Variants in RYR2 observed in about 807,000 individuals in gnomAD.
The protein encoded by RYR2 is cardiac muscle ryanodine receptor-calcium release channel.
Under a neutral mutation model 601.1 loss-of-function variants are expected in RYR2, and 227 were observed. The ratio of observed to expected loss-of-function variants is 0.38; its 90% CI spans 0.34 to 0.42. RYR2 has a LOEUF of 0.42. Ranked by LOEUF, RYR2 falls within the 10% of genes least tolerant of loss-of-function variation. The pLI is 1.00. For missense variants in RYR2, 4,646 were observed against 6,156.5 expected, an observed-to-expected ratio of 0.75 and a Z score of 8.21; for synonymous variants, 2,223 against 2,175.1, an observed-to-expected ratio of 1.02 and a Z score of -0.61.
At position 237,106,812 on chromosome 1, in the gene RYR2, G is replaced by A. The variant is rs985471228; in HGVS notation, c.48+64243G>A. On this transcript the variant is annotated intron_variant, in intron 1 of 104. Coordinates refer to ENST00000366574, the MANE Select transcript of RYR2 (RefSeq NM_001035.3). The surrounding 1 kb of genome is among the most constrained non-coding windows in gnomAD (Gnocchi z 4.4). Reference sequence around the variant, plus strand: ...CAGAGTGCCAGCAATTTGGTGTCTGGTGAAGGCTCGCTTCCTGGTTCATAG... The same window carrying A: ...CAGAGTGCCAGCAATTTGGTGTCTGATGAAGGCTCGCTTCCTGGTTCATAG... 5.3e-5 allele frequency among the ~76,000 whole-genome samples: 8 copies of A among 152,180 alleles called. No individual in the cohort carries two copies. In the East Asian group the frequency reaches 1.4e-3, roughly 26 times the overall value.
chr1:237,161,416 G>GA (rs1676001401), intron 1 of RYR2, among the ~76,000 whole-genome samples: 1 of 151,922 alleles, frequency 6.6e-6, no homozygotes, highest in African/African-American at 2.4e-5. Flanking sequence ...ATTACTAATG[G>GA]AAATACTTTA....
chr1:237,568,858 T>C (rs906819068), intron 28 of RYR2, among the ~76,000 whole-genome samples: 1 of 152,132 alleles, frequency 6.6e-6, no homozygotes, highest in Non-Finnish European at 1.5e-5. Context: ...CAGTAGAAAG[T>C]ATGTGAGGTT....
intron 8 of RYR2, among the ~76,000 whole-genome samples, chr1:237,380,894 A>G (rs1008959598): frequency 1.3e-5 from 2 of 152,092 alleles, no homozygotes; most frequent in African/African-American, 4.8e-5. Context: ...CCTGGCCAAC[A>G]TGGTGAAGCC....
chr1:237,700,923 C>T (rs578065980), intron 65 of RYR2, among the ~76,000 whole-genome samples: 49 of 152,328 alleles, frequency 3.2e-4, no homozygotes, highest in Non-Finnish European at 3.2e-4. Context: ...TTTAGAGTGG[C>T]TCAAATATCC....
At chr1:237,270,197 T>C in intron 1 of RYR2, 1 of 474,866 alleles carries the variant, frequency 2.1e-6, no homozygotes, top group Non-Finnish European at 4.0e-6. Context: ...AAATCCTGTA[T>C]TTTACTTTTA....
intron 1 of RYR2, among the ~76,000 whole-genome samples, chr1:237,058,613 C>A (rs1662458862): frequency 6.6e-6 from 1 of 152,174 alleles, no homozygotes; most frequent in Admixed American, 6.5e-5. Flanking sequence ...ATAACACTTT[C>A]TCAAAAGGAA....
intron 2 of RYR2, among the ~76,000 whole-genome samples, chr1:237,330,632 C>T (rs1317359883): frequency 2.6e-5 from 4 of 152,210 alleles, no homozygotes; most frequent in Non-Finnish European, 5.9e-5. Flanking sequence ...AGGTGATCCG[C>T]CCACCTCGGC....
chr1:237,637,161 A>T (rs1399372022), intron 44 of RYR2, among the ~76,000 whole-genome samples: 1 of 152,182 alleles, frequency 6.6e-6, no homozygotes, highest in Non-Finnish European at 1.5e-5. Context: ...CTTCAAAGAG[A>T]TGAGTTTATT....
At chr1:237,246,583 T>C (rs917883898) in intron 1 of RYR2, among the ~76,000 whole-genome samples, 1 of 152,182 alleles carries the variant, frequency 6.6e-6, no homozygotes, top group African/African-American at 2.4e-5. Flanking sequence ...ACTACAGGCA[T>C]GCACAACTGC....
intron 1 of RYR2, among the ~76,000 whole-genome samples, chr1:237,175,001 T>G (rs2485601): frequency 0.4 from 60,318 of 152,118 alleles, 14,437 homozygotes; most frequent in Non-Finnish European, 0.52. Flanking sequence ...AGCGTGTTAT[T>G]ATGAGTCAAC....
intron 1 of RYR2, among the ~76,000 whole-genome samples, chr1:237,235,246 G>A (rs763047182): frequency 6.6e-6 from 1 of 152,206 alleles, no homozygotes; most frequent in Non-Finnish European, 1.5e-5. Context: ...CTCTTGTCAG[G>A]CTCTTGAGGT....
At chr1:237,214,687 T>C (rs1028514839) in intron 1 of RYR2, among the ~76,000 whole-genome samples, 16 of 152,234 alleles carry the variant, frequency 1.1e-4, no homozygotes, top group African/African-American at 3.4e-4. Flanking sequence ...ATATTTCATA[T>C]GCATTTAATT....
intron 1 of RYR2, among the ~76,000 whole-genome samples, chr1:237,151,904 G>A (rs1344173637): frequency 1.3e-5 from 2 of 151,976 alleles, no homozygotes; most frequent in Non-Finnish European, 2.9e-5. Flanking sequence ...GGTTTGTTAC[G>A]TAGATAAACA....
intron 97 of RYR2, among the ~76,000 whole-genome samples, chr1:237,801,465 C>G (rs1366055169): frequency 6.7e-6 from 1 of 148,650 alleles, no homozygotes; most frequent in Non-Finnish European, 1.5e-5. Context: ...TCGCTTGAAC[C>G]GGGGAGGCAG....
intron 8 of RYR2, among the ~76,000 whole-genome samples, chr1:237,380,252 G>C (rs1308709350): frequency 6.7e-6 from 1 of 149,990 alleles, no homozygotes; most frequent in African/African-American, 2.5e-5. Context: ...TTCGTGAAAG[G>C]ACTTTGGGAT....
At chr1:237,436,472 T>TTTTTTTGTTTTTTTTTTTTTTC in intron 12 of RYR2, among the ~76,000 whole-genome samples, 1 of 139,168 alleles carries the variant, frequency 7.2e-6, no homozygotes, top group Non-Finnish European at 1.6e-5. Context: ...TTTTTTTTTT[T>TTTTTTTGTTTTTTTTTTTTTTC]TTTTTTGCAT....
At chr1:237,057,161 C>G (rs1463808036) in intron 1 of RYR2, among the ~76,000 whole-genome samples, 1 of 151,940 alleles carries the variant, frequency 6.6e-6, no homozygotes, top group East Asian at 1.9e-4. Flanking sequence ...GAGTCAGCAA[C>G]AGAGGCTCAG....
At chr1:237,418,989 A>G (rs542126411) in intron 11 of RYR2, among the ~76,000 whole-genome samples, 4 of 152,148 alleles carry the variant, frequency 2.6e-5, no homozygotes, top group South Asian at 4.1e-4. Context: ...TAGCTTTTAT[A>G]TATTTTGTGA....
intron 1 of RYR2, among the ~76,000 whole-genome samples, chr1:237,222,261 A>C (rs187133148): frequency 0.014 from 2,097 of 152,112 alleles, 27 homozygotes; most frequent in Middle Eastern, 0.048. Flanking sequence ...AAAATACAAA[A>C]AATTAGCTGG....
Sources: allele counts gnomAD v4.1 joint callset (sites outside exome capture counted in the v4.1 genomes callset), GRCh38; gene constraint gnomAD v4.1.1; non-coding constraint Gnocchi (gnomAD v3.1); transcripts MANE v1.5; gene names NCBI Gene and HGNC (gene_info 2026-07-23, HGNC 2026-07-21).